Variants in LYZL2 observed in about 807,000 individuals in gnomAD.
LYZL2 encodes lysozyme like 2, also known as lysozyme-like protein 2.
In LYZL2, 13 loss-of-function variants were observed where a neutral mutation model predicts 17.1. The observed-to-expected ratio is 0.76, with a 90% CI of 0.49 to 1.21. LYZL2 has a LOEUF of 1.21. Ranked by LOEUF, LYZL2 falls within the 50% of genes most tolerant of loss-of-function variation. The pLI is 0.00. For missense variants in LYZL2, 166 were observed against 189.2 expected (o/e 0.88, Z 0.72); for synonymous variants, 63 against 74.4 (o/e 0.85, Z 0.79).
chr10:30,621,011 C>G (rs1369323188), intron 3 of LYZL2, among the ~76,000 whole-genome samples: 3 of 152,174 alleles, frequency 2.0e-5, no homozygotes, highest in East Asian at 1.9e-4. Flanking sequence ...CGTTAGAATT[C>G]TTGAAGGAGA....
At chr10:30,613,987 G>A (rs1358906108) in intron 3 of LYZL2, among the ~76,000 whole-genome samples, 2 of 152,182 alleles carry the variant, frequency 1.3e-5, no homozygotes, top group African/African-American at 4.8e-5. Flanking sequence ...TGGGATTACA[G>A]ACATGAGCCA....
intron 1 of LYZL2, among the ~76,000 whole-genome samples, chr10:30,628,132 C>G (rs921639061): frequency 6.6e-6 from 1 of 152,006 alleles, no homozygotes; most frequent in African/African-American, 2.4e-5. Flanking sequence ...TGCACTCCAG[C>G]CTGGGCGACA....
intron 3 of LYZL2, among the ~76,000 whole-genome samples, chr10:30,617,688 A>AAG (rs1838555078): frequency 6.7e-6 from 1 of 148,940 alleles, no homozygotes; most frequent in Non-Finnish European, 1.5e-5. Flanking sequence ...AAAAAAAAAA[A>AAG]AAAAAAAAAA....
intron 3 of LYZL2, among the ~76,000 whole-genome samples, chr10:30,621,831 G>A (rs1020988851): frequency 3.4e-4 from 52 of 151,834 alleles, no homozygotes; most frequent in African/African-American, 1.1e-3. Context: ...GAAGAGTATT[G>A]GAAATAATAA....
intron 1 of LYZL2, among the ~76,000 whole-genome samples, chr10:30,629,107 C>T (rs1838765241): frequency 6.6e-6 from 1 of 152,196 alleles, no homozygotes; most frequent in African/African-American, 2.4e-5. Context: ...AGATGCAGAG[C>T]TTAGGCTGGG....
intron 1 of LYZL2, among the ~76,000 whole-genome samples, chr10:30,627,332 G>A (rs1013240113): frequency 1.6e-4 from 24 of 151,678 alleles, no homozygotes; most frequent in South Asian, 2.1e-4. Context: ...TTTGAACTGC[G>A]TGGGTCCATT....
intron 3 of LYZL2, 29 bp from the exon 4 acceptor site, chr10:30,612,929 G>A (rs766870659): frequency 3.0e-5 from 48 of 1,585,130 alleles, no homozygotes; most frequent in Non-Finnish European, 3.6e-5. Flanking sequence ...TCAGGGTTAG[G>A]CGAGACTTTG....
intron 3 of LYZL2, among the ~76,000 whole-genome samples, chr10:30,620,127 G>C (rs1838597022): frequency 6.6e-6 from 1 of 152,222 alleles, no homozygotes. Flanking sequence ...GTAAACTGCA[G>C]CGTGAGGCCA....
intron 3 of LYZL2, among the ~76,000 whole-genome samples, chr10:30,621,058 T>C (rs757980080): frequency 3.3e-5 from 5 of 152,138 alleles, no homozygotes. Context: ...GCTGAAATGT[T>C]TCCAAATTTA....
chr10:30,622,996 G>A (rs967951763), intron 3 of LYZL2, among the ~76,000 whole-genome samples: 3 of 152,218 alleles, frequency 2.0e-5, no homozygotes, highest in African/African-American at 7.2e-5. Flanking sequence ...GAAAGCGAGA[G>A]TGGGCTATAC....
intron 2 of LYZL2, 33 bp from the exon 3 acceptor site, chr10:30,626,296 G>A (rs745752819): frequency 1.2e-6 from 2 of 1,609,854 alleles, no homozygotes; most frequent in African/African-American, 1.3e-5. Flanking sequence ...CGCCAGCAAA[G>A]GAGGTGCCAT....
At chr10:30,617,056 T>C (rs1454314259) in intron 3 of LYZL2, among the ~76,000 whole-genome samples, 1 of 152,202 alleles carries the variant, frequency 6.6e-6, no homozygotes, top group African/African-American at 2.4e-5. Flanking sequence ...TGTTTGGAAG[T>C]GGTCTAGCGT....
intron 3 of LYZL2, among the ~76,000 whole-genome samples, chr10:30,617,674 C>CAAAAAAAAA (rs1165550893): frequency 5.4e-4 from 27 of 50,204 alleles, no homozygotes; most frequent in South Asian, 9.2e-4. Context: ...GACTCTGTCT[C>CAAAAAAAAA]AAAAAAAAAA....
At chr10:30,622,578 AAG>A (rs201135666) in intron 3 of LYZL2, among the ~76,000 whole-genome samples, 2,148 of 152,170 alleles carry the variant, frequency 0.014, 37 homozygotes, top group African/African-American at 0.048. Flanking sequence ...AAAAAAGAAA[AAG>A]AAAAAACTAG....
intron 3 of LYZL2, among the ~76,000 whole-genome samples, chr10:30,615,812 A>C (rs750540476): frequency 3.3e-5 from 5 of 152,166 alleles, no homozygotes; most frequent in Non-Finnish European, 7.3e-5. Context: ...ACTCATGGCT[A>C]GTGGTTCTGT....
chr10:30,629,586 G>A lies in LYZL2; in HGVS notation c.-26+7C>T, dbSNP rs536009319. On this transcript the variant is annotated splice_region_variant and intron_variant, in intron 1 of 4. Transcript: ENST00000647634. ...AGGTGGCTTCATAAGAGTAATTTAG[G>A]TCTTACTGAAAAGGCAGATTCCTGG... 3 of 1,613,686 alleles carry A rather than the reference G, an allele frequency of 1.9e-6. No individual in the cohort carries two copies. Among genetic ancestry groups the A allele is most frequent in the Admixed American group, 1.7e-5 (1 of 59,978 alleles).
intron 3 of LYZL2, among the ~76,000 whole-genome samples, chr10:30,620,996 C>G (rs1838610505): frequency 6.6e-6 from 1 of 152,086 alleles, no homozygotes; most frequent in Admixed American, 6.5e-5. Flanking sequence ...ATCGAACATA[C>G]ATGCCGTTAG....
chr10:30,629,476 G>T, intron 1 of LYZL2, 117 bp downstream of exon 1: 1 of 1,003,584 alleles, frequency 1.0e-6, no homozygotes, highest in Non-Finnish European at 1.4e-6. Context: ...TCTCAAACAA[G>T]TCAAAACAAA....
At chr10:30,628,081 A>AC (rs1263154539) in intron 1 of LYZL2, among the ~76,000 whole-genome samples, 26 of 152,128 alleles carry the variant, frequency 1.7e-4, no homozygotes, top group African/African-American at 6.0e-4. Context: ...AATGGCGTGA[A>AC]CCCAGGAGGC....
Sources: allele counts gnomAD v4.1 joint callset (sites outside exome capture counted in the v4.1 genomes callset), GRCh38; gene constraint gnomAD v4.1.1; transcripts MANE v1.5; gene names NCBI Gene and HGNC (gene_info 2026-07-23, HGNC 2026-07-21).